The following SLC15A1 variants were observed in gnomAD, a reference collection of about 807,000 sequenced individuals.
The protein encoded by SLC15A1 is solute carrier family 15 member 1, also known as Caco-2 oligopeptide transporter.
In SLC15A1, 83 loss-of-function variants were observed where a neutral mutation model predicts 92.9. The observed-to-expected ratio is 0.89, with a 90% CI of 0.75 to 1.07. The LOEUF (loss-of-function observed/expected upper bound fraction) is 1.07. SLC15A1 is among the 50% of genes least tolerant of loss of function. The pLI, the probability that SLC15A1 is intolerant of heterozygous loss-of-function variation, is 0.00. For missense variants in SLC15A1, 857 were observed against 880.1 expected, an observed-to-expected ratio of 0.97 and a Z score of 0.33; for synonymous variants, 322 against 318.2, an observed-to-expected ratio of 1.01 and a Z score of -0.13.
chr13:98,741,409 T>C (rs1288910125), intron 1 of SLC15A1, among the ~76,000 whole-genome samples: 1 of 152,138 alleles, frequency 6.6e-6, no homozygotes, highest in Non-Finnish European at 1.5e-5. Context: ...GTCCAGGAGC[T>C]TGAGACCAGC....
chr13:98,715,920 C>G lies in SLC15A1; in HGVS notation c.681G>C (p.Lys227Asn). The change falls in exon 9 of 23, where the codon AAG becomes AAC. Residue 227 changes from lysine to asparagine, a missense_variant. Coordinates refer to ENST00000376503, the MANE Select transcript of SLC15A1 (RefSeq NM_005073.4). ...CTTTACCCATGATGTTGCCCTGTGGCTTGAACTTCTTGTACATCCCACTGC... is the reference window on the plus strand; with the variant it reads ...CTTTACCCATGATGTTGCCCTGTGGGTTGAACTTCTTGTACATCCCACTGC... ...VLGSGMYKKF[K>N]PQGNIMGKVA... 1 of 1,614,138 alleles carries G rather than the reference C, an allele frequency of 6.2e-7. No homozygotes were observed. Among genetic ancestry groups the G allele is most frequent in the Non-Finnish European group, 8.5e-7 (1 of 1,180,026 alleles).
intron 14 of SLC15A1, 87 bp downstream of exon 14, chr13:98,709,485 C>T (rs1268951183): frequency 1.5e-5 from 15 of 1,017,424 alleles, no homozygotes; most frequent in Admixed American, 4.0e-5. Flanking sequence ...GGCGAGGTTG[C>T]GGGAAGGGCT....
At chr13:98,748,228 C>A (rs12586112) in intron 1 of SLC15A1, among the ~76,000 whole-genome samples, 8,132 of 152,256 alleles carry the variant, frequency 0.053, 328 homozygotes, top group East Asian at 0.13. Context: ...TGCATCCTGG[C>A]CAGCCCAGCT....
At chr13:98,723,598 C>T (rs1433119990) in intron 5 of SLC15A1, among the ~76,000 whole-genome samples, 2 of 152,196 alleles carry the variant, frequency 1.3e-5, no homozygotes, top group Non-Finnish European at 2.9e-5. Context: ...GGATCAAGGT[C>T]TGTGGGACTT....
chr13:98,708,119 C>CAG (rs372353942), intron 15 of SLC15A1, among the ~76,000 whole-genome samples: 4 of 150,608 alleles, frequency 2.7e-5, no homozygotes, highest in African/African-American at 7.3e-5. Context: ...GAGAGAAAGA[C>CAG]AGAGAGAGAG....
At chr13:98,705,729 T>G (rs2088107527) in intron 16 of SLC15A1, among the ~76,000 whole-genome samples, 1 of 151,990 alleles carries the variant, frequency 6.6e-6, no homozygotes. Context: ...CTGTCTCTAC[T>G]AAAAATACAA....
chr13:98,688,710 G>A, intron 18 of SLC15A1, 133 bp from the exon 19 acceptor site: 1 of 676,024 alleles, frequency 1.5e-6, no homozygotes, highest in Non-Finnish European at 2.5e-6. Flanking sequence ...TATTTCTAGA[G>A]AATAAAGACA....
At chr13:98,719,067 C>T (rs1479309036) in intron 8 of SLC15A1, among the ~76,000 whole-genome samples, 170 bp downstream of exon 8, 2 of 152,188 alleles carry the variant, frequency 1.3e-5, no homozygotes, top group East Asian at 3.8e-4. Flanking sequence ...AATTGATGTG[C>T]CAATCCTACT....
intron 18 of SLC15A1, among the ~76,000 whole-genome samples, chr13:98,692,872 G>A (rs1164932290): frequency 6.6e-6 from 1 of 151,814 alleles, no homozygotes; most frequent in Non-Finnish European, 1.5e-5. Context: ...TCAGCTTCCC[G>A]AGTAGCTGGG....
chr13:98,698,344 A>G lies in SLC15A1; in HGVS notation c.1466+4136T>C, dbSNP rs571177241. On this transcript the variant is annotated intron_variant, in intron 18 of 22. Coordinates refer to ENST00000376503, the MANE Select transcript of SLC15A1 (RefSeq NM_005073.4). ...CAGGGAAAACAGAAACATAAATCTAATAAATATTAACAATGTGAAGCAAAC... is the reference window on the plus strand; with the variant it reads ...CAGGGAAAACAGAAACATAAATCTAGTAAATATTAACAATGTGAAGCAAAC... Among the ~76,000 whole-genome samples, 7 of 152,364 alleles carry G rather than the reference A, an allele frequency of 4.6e-5. 1 individual carries two copies. The highest frequency in any genetic ancestry group is 4.6e-4 in the Admixed American group (7 of 15,294).
At chr13:98,701,502 T>A (rs951733930) in intron 18 of SLC15A1, among the ~76,000 whole-genome samples, 3 of 151,330 alleles carry the variant, frequency 2.0e-5, no homozygotes, top group African/African-American at 4.8e-5. Context: ...TTTATATATA[T>A]ATATTGATTT....
At chr13:98,739,609 C>G (rs1247654304) in intron 1 of SLC15A1, among the ~76,000 whole-genome samples, 2 of 152,106 alleles carry the variant, frequency 1.3e-5, no homozygotes, top group Admixed American at 6.5e-5. Context: ...CATGCCTGCT[C>G]CCCCTTCACC....
intron 18 of SLC15A1, among the ~76,000 whole-genome samples, chr13:98,695,671 G>T (rs997771643): frequency 3.3e-5 from 5 of 151,998 alleles, no homozygotes; most frequent in African/African-American, 9.7e-5. Flanking sequence ...GGGATTACAG[G>T]CTTGAGCCAC....
intron 18 of SLC15A1, among the ~76,000 whole-genome samples, chr13:98,698,758 A>G (rs2088043540): frequency 2.6e-5 from 4 of 152,276 alleles, no homozygotes; most frequent in South Asian, 4.2e-4. Flanking sequence ...GTTAATAGAC[A>G]TTGTCCCAAA....
chr13:98,721,882 C>T lies in SLC15A1; in HGVS notation c.387G>A (p.Leu129=). ...CTCCAGTCCCGAGAGCTATCAGGGCCAGGCCGATCAAGGACAGCACCCTGG... is the reference window on the plus strand; with the variant it reads ...CTCCAGTCCCGAGAGCTATCAGGGCTAGGCCGATCAAGGACAGCACCCTGG... ...PVHVVLSLIG[L]ALIALGTGGI... Residue 129 remains leucine, a synonymous_variant, in exon 6 of 23, where the codon CTG becomes CTA. Transcript: ENST00000376503. 1.2e-6 allele frequency: 2 copies of T among 1,613,932 alleles called. No homozygotes were observed. The highest frequency in any genetic ancestry group is 1.7e-6 in the Non-Finnish European group (2 of 1,179,946).
At chr13:98,700,730 G>A (rs937173658) in intron 18 of SLC15A1, among the ~76,000 whole-genome samples, 6 of 152,078 alleles carry the variant, frequency 3.9e-5, no homozygotes, top group African/African-American at 1.2e-4. Flanking sequence ...TGTATGAATT[G>A]TGTATAAGAT....
intron 1 of SLC15A1, among the ~76,000 whole-genome samples, chr13:98,748,856 G>A (rs1248055531): frequency 6.6e-6 from 1 of 152,202 alleles, no homozygotes; most frequent in Non-Finnish European, 1.5e-5. Context: ...ACGTGGGAAC[G>A]TGGTCAAATG....
At chr13:98,746,887 C>G (rs1458830701) in intron 1 of SLC15A1, among the ~76,000 whole-genome samples, 1 of 152,200 alleles carries the variant, frequency 6.6e-6, no homozygotes, top group Non-Finnish European at 1.5e-5. Context: ...CTTCCTCCTT[C>G]TTAAGCCTCT....
At position 98,709,541 on chromosome 13, in the gene SLC15A1, C is replaced by T. The variant is rs377260942; in HGVS notation, c.1067+31G>A. ...CTGCAAAGCCCTGGGACCAAGGGAG[C>T]CTCAACCAACCCAACCCACCCGTCA... is the stretch of plus-strand genomic sequence containing the variant. On this transcript the variant is annotated intron_variant, in intron 14 of 22. Transcript: ENST00000376503. 8.8e-5 allele frequency: 141 copies of T among 1,601,378 alleles called. No individual in the cohort carries two copies. In the Middle Eastern group the frequency reaches 1.8e-3, roughly 21 times the overall value.
Sources: gnomAD v4.1 joint callset for allele counts (sites outside exome capture counted in the v4.1 genomes callset) on GRCh38, gnomAD v4.1.1 for gene constraint, MANE v1.5 for transcripts, NCBI Gene and HGNC (gene_info 2026-07-23, HGNC 2026-07-21) for gene names.